Variants in EIF3E observed in about 807,000 individuals in gnomAD.
EIF3E encodes the protein eIF-3 p48.
Under a neutral mutation model 59.3 loss-of-function variants are expected in EIF3E, and 25 were observed. The ratio of observed to expected loss-of-function variants is 0.42; its 90% CI spans 0.31 to 0.59. EIF3E has a LOEUF of 0.59. EIF3E is among the 20% of genes least tolerant of loss of function. The probability of loss-of-function intolerance (pLI) is 0.15; values close to 1 mark genes in which losing one functional copy is unlikely to be tolerated. For missense variants in EIF3E, 317 were observed against 534.3 expected (o/e 0.59, Z 4.01); for synonymous variants, 176 against 170.2 (o/e 1.03, Z -0.26).
At chr8:108,212,665 G>C (rs2129857727) in intron 10 of EIF3E, among the ~76,000 whole-genome samples, 1 of 152,226 alleles carries the variant, frequency 6.6e-6, no homozygotes. Context: ...AGCTGGGCGT[G>C]GTGGCACATG....
At chr8:108,244,533 T>C (rs1398199496) in intron 1 of EIF3E, among the ~76,000 whole-genome samples, 3 of 152,096 alleles carry the variant, frequency 2.0e-5, no homozygotes, top group Non-Finnish European at 4.4e-5. Flanking sequence ...ATGTATCTCA[T>C]CTCCAAGAAT....
chr8:108,215,035 T>C (rs927737438), intron 9 of EIF3E, among the ~76,000 whole-genome samples: 3 of 152,220 alleles, frequency 2.0e-5, no homozygotes, highest in Non-Finnish European at 2.9e-5. Context: ...AAAATAATTA[T>C]AAATGGACTA....
At position 108,217,474 on chromosome 8, in the gene EIF3E, TAA is replaced by T. The variant is rs1381032106; in HGVS notation, c.723-16_723-15del. ...GCATTAAGATATCTAAGAAAAAATATAAAAGTTATTTAATAACTTACCCAGGG... is the reference window on the plus strand; with the variant it reads ...GCATTAAGATATCTAAGAAAAAATATAAGTTATTTAATAACTTACCCAGGG... On this transcript the variant is annotated splice_polypyrimidine_tract_variant and intron_variant, in intron 7 of 12. Transcript: ENST00000220849. 3 of 1,576,088 alleles carry T rather than the reference TAA, an allele frequency of 1.9e-6. No individual in the cohort carries two copies. The highest frequency in any genetic ancestry group is 2.6e-6 in the Non-Finnish European group (3 of 1,164,110).
intron 10 of EIF3E, among the ~76,000 whole-genome samples, chr8:108,214,405 G>A (rs1238908472): frequency 6.6e-6 from 1 of 152,054 alleles, no homozygotes; most frequent in Non-Finnish European, 1.5e-5. Flanking sequence ...GAAAAATTAT[G>A]CCACTCAAGC....
intron 7 of EIF3E, chr8:108,221,388 A>G (rs1394758431): frequency 6.6e-6 from 1 of 152,180 alleles, no homozygotes; most frequent in Non-Finnish European, 1.5e-5. Context: ...TCTAAAGGTT[A>G]TAATTTTTCT....
intron 10 of EIF3E, among the ~76,000 whole-genome samples, chr8:108,205,685 A>G (rs971660821): frequency 6.6e-6 from 1 of 152,226 alleles, no homozygotes; most frequent in African/African-American, 2.4e-5. Context: ...TTTGTCCAGC[A>G]TATCGACACT....
intron 7 of EIF3E, among the ~76,000 whole-genome samples, chr8:108,219,265 T>C (rs1040614899): frequency 6.6e-6 from 1 of 152,216 alleles, no homozygotes; most frequent in Non-Finnish European, 1.5e-5. Context: ...GGAGGATTAC[T>C]TATTTGGGAA....
intron 8 of EIF3E, among the ~76,000 whole-genome samples, chr8:108,217,004 T>C (rs1202306013): frequency 2.6e-5 from 4 of 152,150 alleles, no homozygotes; most frequent in African/African-American, 9.7e-5. Flanking sequence ...AGTTCACCCA[T>C]GTAGAATTAC....
At chr8:108,202,065 C>CA (rs1195346464) in intron 12 of EIF3E, 142 bp from the exon 13 acceptor site, 11 of 656,456 alleles carry the variant, frequency 1.7e-5, no homozygotes, top group Non-Finnish European at 1.4e-5. Context: ...CCTGCAATTA[C>CA]TAGATGTCAG....
Position 108,201,668 on chromosome 8 carries a change from C to A in EIF3E, c.*217G>T. On this transcript the variant is annotated 3_prime_UTR_variant, in exon 13 of 13. Transcript: ENST00000220849. ...TTCTCTGTACTATTTTTGCAAATTC[C>A]TCTGAATATAATTATTCCAAAAAAG... is the stretch of plus-strand genomic sequence containing the variant. 1 of 411,966 alleles carries A rather than the reference C, an allele frequency of 2.4e-6. No individual in the cohort carries two copies. 25.5% of individuals were successfully genotyped at this position (411,966 alleles called of 1,614,324 possible).
chr8:108,242,172 G>A lies in EIF3E; in HGVS notation c.91-259C>T, dbSNP rs1408153285. ...ATTCCCACCTACTTCTGATTTACAT[G>A]ACCTTATTTTTTATGTGTCCCTACA... On this transcript the variant is annotated intron_variant, in intron 1 of 12. Coordinates refer to ENST00000220849, the MANE Select transcript of EIF3E (RefSeq NM_001568.3). The A allele has an allele frequency of 5.9e-6, 8 of 1,354,322 alleles. No homozygotes were observed. The East Asian group carries it at 2.1e-4, about 36-fold the overall frequency. 83.9% of individuals were successfully genotyped at this position (1,354,322 alleles called of 1,614,324 possible).
intron 10 of EIF3E, among the ~76,000 whole-genome samples, chr8:108,211,499 T>G (rs1275680494): frequency 6.6e-6 from 1 of 152,240 alleles, no homozygotes; most frequent in African/African-American, 2.4e-5. Flanking sequence ...ATTAGCCCTT[T>G]GTCAGATGGG....
chr8:108,246,280 G>GGC (rs1815945915), intron 1 of EIF3E, among the ~76,000 whole-genome samples: 1 of 74,372 alleles, frequency 1.3e-5, no homozygotes, highest in African/African-American at 5.1e-5. Flanking sequence ...CTGCTAAGGG[G>GGC]GTGTGGGGGG....
At position 108,210,571 on chromosome 8, in the gene EIF3E, TA is replaced by T. The variant is rs1815187292; in HGVS notation, c.1061+4035del. Among the ~76,000 whole-genome samples, 7 of 152,304 alleles carry T rather than the reference TA, an allele frequency of 4.6e-5. No individual in the cohort carries two copies. In the South Asian group the frequency reaches 1.4e-3, roughly 32 times the overall value. On this transcript the variant is annotated intron_variant, in intron 10 of 12. Transcript: ENST00000220849. Reference sequence around the variant, plus strand: ...TAGCTGTATTTATAAAATCCCAACATAAATACGTATTATTTCCAGCCACTGT... The same window carrying T: ...TAGCTGTATTTATAAAATCCCAACATAATACGTATTATTTCCAGCCACTGT...
intron 10 of EIF3E, among the ~76,000 whole-genome samples, chr8:108,212,498 C>A (rs978098541): frequency 1.3e-5 from 2 of 152,172 alleles, no homozygotes; most frequent in Non-Finnish European, 2.9e-5. Context: ...ATTGAAAATT[C>A]TACCATAGTA....
chr8:108,220,865 TACTAC>T (rs1815397528), intron 7 of EIF3E, among the ~76,000 whole-genome samples: 1 of 152,200 alleles, frequency 6.6e-6, no homozygotes. Context: ...CTGATAAAAG[TACTAC>T]ACATGCCTGG....
chr8:108,218,957 T>C (rs1450319096), intron 7 of EIF3E, among the ~76,000 whole-genome samples: 1 of 151,964 alleles, frequency 6.6e-6, no homozygotes, highest in Non-Finnish European at 1.5e-5. Context: ...CTAACTTTTT[T>C]GTATTTTTAG....
chr8:108,234,960 C>CAAAAAAAAA lies in EIF3E; in HGVS notation c.471+29_471+37dup, dbSNP rs3075616. On this transcript the variant is annotated intron_variant, in intron 5 of 12. Transcript: ENST00000220849. Reference sequence around the variant, plus strand: ...AGAACCAAGGGAATCCTACAAAAGACAAAAAAAAAAAAAAAAAAAACATGT... The same window carrying CAAAAAAAAA: ...AGAACCAAGGGAATCCTACAAAAGACAAAAAAAAAAAAAAAAAAAAAAAAAAAAACATGT... The CAAAAAAAAA allele has an allele frequency of 7.8e-5, 68 of 873,912 alleles. 3 individuals are homozygous for CAAAAAAAAA. Among genetic ancestry groups the CAAAAAAAAA allele is most frequent in the South Asian group, 2.9e-4 (13 of 45,530 alleles). 54.1% of individuals were successfully genotyped at this position (873,912 alleles called of 1,614,324 possible). A position where few individuals can be genotyped will look rare whatever the true frequency, so the allele number is the denominator to read the frequency against.
intron 3 of EIF3E, among the ~76,000 whole-genome samples, 155 bp downstream of exon 3, chr8:108,239,803 C>T (rs1815802224): frequency 6.6e-6 from 1 of 151,964 alleles, no homozygotes; most frequent in Non-Finnish European, 1.5e-5. Context: ...ATTATACTGG[C>T]CCCTACAAAA....
Sources: allele counts gnomAD v4.1 joint callset (sites outside exome capture counted in the v4.1 genomes callset), GRCh38; gene constraint gnomAD v4.1.1; transcripts MANE v1.5; gene names NCBI Gene and HGNC (gene_info 2026-07-23, HGNC 2026-07-21).